RGS22: variants seen among roughly 807,000 people sequenced by gnomAD.
RGS22 encodes regulator of G protein signaling 22.
In RGS22, 148 loss-of-function variants were observed where a neutral mutation model predicts 172.9. The observed-to-expected ratio is 0.86, with a 90% CI of 0.75 to 0.98. The LOEUF (loss-of-function observed/expected upper bound fraction) is 0.98, where lower values mean the gene tolerates loss of function less well. RGS22 is among the 50% of genes least tolerant of loss of function. The pLI, the probability that RGS22 is intolerant of heterozygous loss-of-function variation, is 0.00. For synonymous variants in RGS22, 458 were observed against 480.2 expected, an observed-to-expected ratio of 0.95 and a Z score of 0.60; for missense variants, 1,347 against 1,440.8, an observed-to-expected ratio of 0.93 and a Z score of 1.05.
At chr8:100,104,923 C>G (rs538205520) in intron 2 of RGS22, among the ~76,000 whole-genome samples, 1 of 152,168 alleles carries the variant, frequency 6.6e-6, no homozygotes, top group Non-Finnish European at 1.5e-5. Context: ...TTAGCAAATA[C>G]TTTTATTACT....
At chr8:100,012,676 A>G (rs1391606794) in intron 14 of RGS22, among the ~76,000 whole-genome samples, 1 of 152,198 alleles carries the variant, frequency 6.6e-6, no homozygotes, top group East Asian at 1.9e-4. Context: ...TGTCTTAGGT[A>G]AATTACGAAA....
chr8:100,063,449 A>G lies in RGS22; in HGVS notation c.1319T>C (p.Leu440Ser). 6.2e-7 allele frequency: 1 copy of G among 1,603,626 alleles called. No individual in the cohort carries two copies. Among genetic ancestry groups the G allele is most frequent in the Non-Finnish European group, 8.5e-7 (1 of 1,175,486 alleles). ...YWWLWMDIER[L>S]KVLKDPGRHQ... ...TCTTCCAGGATCCTTAAGAACTTTT[A>G]ACCTCTCAATATCCATCCATAGCCA... Residue 440 changes from leucine to serine, a missense_variant, in exon 8 of 28, where the codon TTA becomes TCA. Coordinates refer to ENST00000360863, the MANE Select transcript of RGS22 (RefSeq NM_015668.5).
Position 99,987,622 on chromosome 8 carries a change from G to A in RGS22, c.3019-3C>T, listed in dbSNP as rs772757723. The A allele has an allele frequency of 3.8e-6, 6 of 1,569,906 alleles. No individual in the cohort carries two copies. In the South Asian group the frequency reaches 6.0e-5, roughly 16 times the overall value. Reference sequence around the variant, plus strand: ...GAGATCCACTTACTCTCCACAGGCTGTCCAAAGCAGAGAATATAGGAAATT... The same window carrying A: ...GAGATCCACTTACTCTCCACAGGCTATCCAAAGCAGAGAATATAGGAAATT... On this transcript the variant is annotated splice_region_variant and splice_polypyrimidine_tract_variant and intron_variant, in intron 20 of 27. Coordinates refer to ENST00000360863, the MANE Select transcript of RGS22 (RefSeq NM_015668.5).
intron 3 of RGS22, among the ~76,000 whole-genome samples, chr8:100,082,403 C>T (rs1811831027): frequency 6.6e-6 from 1 of 152,148 alleles, no homozygotes; most frequent in African/African-American, 2.4e-5. Context: ...TAGGCCCCTA[C>T]AATAGTAGGT....
At chr8:99,966,686 TA>T (rs1258402130) in intron 23 of RGS22, among the ~76,000 whole-genome samples, 2 of 152,206 alleles carry the variant, frequency 1.3e-5, no homozygotes, top group African/African-American at 4.8e-5. Context: ...GCCATGAAAG[TA>T]AGAACATTTC....
chr8:100,005,137 T>C (rs1369320643), intron 16 of RGS22, among the ~76,000 whole-genome samples: 1 of 152,084 alleles, frequency 6.6e-6, no homozygotes, highest in Non-Finnish European at 1.5e-5. Context: ...TGGATTTTTA[T>C]GTATCCTTTG....
At chr8:99,969,767 C>T (rs1460757550) in intron 23 of RGS22, among the ~76,000 whole-genome samples, 1 of 152,158 alleles carries the variant, frequency 6.6e-6, no homozygotes, top group Non-Finnish European at 1.5e-5. Flanking sequence ...GACTTAGACT[C>T]CCATACGATA....
chr8:99,971,538 C>G (rs1012715537), intron 23 of RGS22, among the ~76,000 whole-genome samples: 1 of 152,186 alleles, frequency 6.6e-6, no homozygotes, highest in Non-Finnish European at 1.5e-5. Flanking sequence ...TCTCAGAATA[C>G]AAAATCAATG....
At chr8:100,035,180 A>G (rs2131565904) in intron 14 of RGS22, among the ~76,000 whole-genome samples, 1 of 152,238 alleles carries the variant, frequency 6.6e-6, no homozygotes, top group East Asian at 1.9e-4. Flanking sequence ...AACCTACAAA[A>G]TGGGAGAAAA....
intron 14 of RGS22, among the ~76,000 whole-genome samples, chr8:100,034,505 A>G (rs1393754831): frequency 3.3e-5 from 5 of 152,226 alleles, no homozygotes; most frequent in Middle Eastern, 3.2e-3. Flanking sequence ...GCTCATGGAT[A>G]GGAAGAATCA....
At chr8:100,075,778 G>A (rs1473470850) in intron 4 of RGS22, among the ~76,000 whole-genome samples, 2 of 152,116 alleles carry the variant, frequency 1.3e-5, no homozygotes, top group Non-Finnish European at 2.9e-5. Context: ...ATAACTCTTG[G>A]GCTAACCTCT....
intron 20 of RGS22, 75 bp from the exon 21 acceptor site, chr8:99,987,694 T>C: frequency 8.1e-7 from 1 of 1,232,452 alleles, no homozygotes; most frequent in South Asian, 2.3e-5. Context: ...CTCCTAAAAT[T>C]TTGCCTGTTG....
intron 2 of RGS22, among the ~76,000 whole-genome samples, chr8:100,094,251 T>G (rs1449819292): frequency 6.6e-6 from 1 of 152,246 alleles, no homozygotes; most frequent in Non-Finnish European, 1.5e-5. Flanking sequence ...AAGCACATCA[T>G]GGCATACTGT....
intron 4 of RGS22, among the ~76,000 whole-genome samples, chr8:100,078,168 C>A (rs1211952646): frequency 1.3e-5 from 2 of 152,020 alleles, no homozygotes; most frequent in African/African-American, 4.8e-5. Context: ...TTTAAAAAAT[C>A]ATCCCTGACT....
At position 100,080,125 on chromosome 8, in the gene RGS22, C is replaced by G; in HGVS notation, c.339+9G>C. ...CTATCTAACAAGATAAAACAGTATA[C>G]TTTCTTACCATAATATTGTAGTTGA... is the stretch of plus-strand genomic sequence containing the variant. On this transcript the variant is annotated intron_variant, in intron 4 of 27. Coordinates refer to ENST00000360863, the MANE Select transcript of RGS22 (RefSeq NM_015668.5). 2 of 1,567,590 alleles carry G rather than the reference C, an allele frequency of 1.3e-6. No individual in the cohort carries two copies. Among genetic ancestry groups the G allele is most frequent in the South Asian group, 1.1e-5 (1 of 88,400 alleles).
chr8:99,999,203 A>G, intron 19 of RGS22, 59 bp downstream of exon 19: 1 of 1,475,126 alleles, frequency 6.8e-7, no homozygotes, highest in Non-Finnish European at 9.2e-7. Context: ...AGGTATGTAC[A>G]TTTGAAGTTT....
chr8:99,966,422 A>G (rs755590095), intron 23 of RGS22, among the ~76,000 whole-genome samples: 1 of 152,122 alleles, frequency 6.6e-6, no homozygotes, highest in African/African-American at 2.4e-5. Flanking sequence ...TCCTAAATCT[A>G]TACAAATAAA....
At chr8:100,047,142 G>C (rs1820811346) in intron 11 of RGS22, among the ~76,000 whole-genome samples, 1 of 152,066 alleles carries the variant, frequency 6.6e-6, no homozygotes, top group Non-Finnish European at 1.5e-5. Context: ...CAATATTCTT[G>C]AGAGTCTTAT....
chr8:100,047,512 G>T lies in RGS22; in HGVS notation c.1774C>A (p.Arg592=), dbSNP rs766770784. Residue 592 remains arginine, a synonymous_variant, in exon 11 of 28, where the codon CGG becomes AGG. Coordinates refer to ENST00000360863, the MANE Select transcript of RGS22 (RefSeq NM_015668.5). ...VKTATQKPWK[R]ELLYPGSSKD... is the part of the protein sequence containing the mutation. The stretch of plus-strand genomic sequence containing the variant: ...GAAGAACCTGGATACAAAAGCTCCC[G>T]CTTCCAAGGCTTTTGAGTTGCTGTT... The T allele has an allele frequency of 6.2e-7, 1 of 1,612,252 alleles. No homozygotes were observed.
Sources: allele counts gnomAD v4.1 joint callset (sites outside exome capture counted in the v4.1 genomes callset), GRCh38; gene constraint gnomAD v4.1.1; transcripts MANE v1.5; gene names NCBI Gene and HGNC (gene_info 2026-07-23, HGNC 2026-07-21).